Variants in CERT1 observed in about 807,000 individuals in gnomAD.
CERT1 encodes ceramide transporter 1.
Under a neutral mutation model 87.9 loss-of-function variants are expected in CERT1, and 31 were observed. The observed-to-expected ratio is 0.35, with a 90% CI of 0.27 to 0.48. The LOEUF is 0.48. Ranked by LOEUF, CERT1 falls within the 20% of genes least tolerant of loss-of-function variation. CERT1 has a pLI of 0.99. For missense variants in CERT1, 487 were observed against 758.0 expected (o/e 0.64, Z 4.20); for synonymous variants, 289 against 250.9 (o/e 1.15, Z -1.44).
At chr5:75,487,345 A>G (rs186621423) in intron 2 of CERT1, among the ~76,000 whole-genome samples, 8 of 152,224 alleles carry the variant, frequency 5.3e-5, no homozygotes, top group Non-Finnish European at 5.9e-5. Flanking sequence ...TGGATTAAAT[A>G]TTTAAATCTA....
At chr5:75,489,540 C>T (rs1032738625) in intron 2 of CERT1, among the ~76,000 whole-genome samples, 1 of 151,928 alleles carries the variant, frequency 6.6e-6, no homozygotes, top group African/African-American at 2.4e-5. Flanking sequence ...GGAACTTAAA[C>T]AGATTTATAA....
At chr5:75,465,070 C>T (rs1765403434) in intron 2 of CERT1, among the ~76,000 whole-genome samples, 1 of 152,188 alleles carries the variant, frequency 6.6e-6, no homozygotes. Flanking sequence ...CAGGTGCACA[C>T]ATGCATGGTT....
At chr5:75,423,558 T>A (rs569926081) in intron 5 of CERT1, among the ~76,000 whole-genome samples, 1 of 152,114 alleles carries the variant, frequency 6.6e-6, no homozygotes, top group Non-Finnish European at 1.5e-5. Context: ...CTGGGCCACA[T>A]AGCGAGACCT....
chr5:75,486,373 G>A (rs1009262297), intron 2 of CERT1, among the ~76,000 whole-genome samples: 3 of 151,936 alleles, frequency 2.0e-5, no homozygotes, highest in Non-Finnish European at 4.4e-5. Context: ...ATACACAACA[G>A]ACCCATGGCC....
intron 2 of CERT1, among the ~76,000 whole-genome samples, chr5:75,487,788 T>C (rs551552622): frequency 1.4e-4 from 21 of 152,094 alleles, no homozygotes; most frequent in African/African-American, 5.1e-4. Flanking sequence ...CTCATCCCAT[T>C]TATAATGGCC....
downstream of CERT1, chr5:75,372,898 CCT>C (rs1386807654): frequency 1.3e-5 from 2 of 152,160 alleles, no homozygotes; most frequent in African/African-American, 2.4e-5. Context: ...CTACAAAATG[CCT>C]CTGATTTGTA....
intron 2 of CERT1, among the ~76,000 whole-genome samples, chr5:75,502,137 A>G (rs1767401636): frequency 6.6e-6 from 1 of 151,394 alleles, no homozygotes; most frequent in Admixed American, 6.6e-5. Context: ...AAGAAAAACC[A>G]AAAAAAAAGT....
intron 6 of CERT1, among the ~76,000 whole-genome samples, chr5:75,417,725 A>AAACTT (rs1459652501): frequency 6.6e-6 from 1 of 152,244 alleles, no homozygotes; most frequent in Non-Finnish European, 1.5e-5. Flanking sequence ...AACTTAAATC[A>AAACTT]AAATGTAAAA....
chr5:75,475,260 T>C (rs190084301), intron 2 of CERT1, among the ~76,000 whole-genome samples: 2 of 152,286 alleles, frequency 1.3e-5, no homozygotes, highest in East Asian at 1.9e-4. Flanking sequence ...TTCTGGTAAA[T>C]GTGCTCCTTG....
chr5:75,374,017 T>C (rs1761183322), downstream of CERT1: 1 of 398,616 alleles, frequency 2.5e-6, no homozygotes, highest in East Asian at 3.6e-5. Flanking sequence ...TAGCAAGAGA[T>C]AGCTAGTGTT....
intron 3 of CERT1, among the ~76,000 whole-genome samples, chr5:75,449,703 TG>T (rs1192864060): frequency 1.3e-5 from 2 of 151,778 alleles, no homozygotes; most frequent in Non-Finnish European, 1.5e-5. Context: ...CACTTGGTGG[TG>T]GTGTTTTTTT....
intron 1 of CERT1, among the ~76,000 whole-genome samples, chr5:75,507,386 C>T (rs1020528717): frequency 5.9e-5 from 9 of 152,152 alleles, no homozygotes; most frequent in African/African-American, 2.2e-4. Context: ...GCTGGGACTA[C>T]AGGTGAGCCA....
intron 3 of CERT1, among the ~76,000 whole-genome samples, chr5:75,458,422 A>G (rs1440286550): frequency 6.6e-6 from 1 of 152,228 alleles, no homozygotes; most frequent in African/African-American, 2.4e-5. Context: ...TTATAATCCA[A>G]TGTTATTTCA....
At position 75,383,119 on chromosome 5, in the gene CERT1, T is replaced by C. The variant is rs1397053856; in HGVS notation, c.1489-1042A>G. Among the ~76,000 whole-genome samples the C allele has an allele frequency of 2.6e-5, 4 of 152,080 alleles. 1 individual carries two copies. In the South Asian group the frequency reaches 8.3e-4, roughly 32 times the overall value. On this transcript the variant is annotated intron_variant, in intron 14 of 16. Coordinates refer to ENST00000643780, the MANE Select transcript of CERT1 (RefSeq NM_001379029.1). ...TGGGAGGAGAGGGAATGGGGAGTTG[T>C]TGCTTAATGAGTACGGAGTTTCTGT...
chr5:75,509,193 C>G (rs560683289), intron 1 of CERT1, among the ~76,000 whole-genome samples: 1 of 151,986 alleles, frequency 6.6e-6, no homozygotes, highest in Non-Finnish European at 1.5e-5. Context: ...TGAATTGTAC[C>G]GGGACTTATT....
At chr5:75,427,156 C>T (rs1194146728) in intron 3 of CERT1, among the ~76,000 whole-genome samples, 1 of 152,148 alleles carries the variant, frequency 6.6e-6, no homozygotes, top group Non-Finnish European at 1.5e-5. Context: ...TGATACTCTT[C>T]AGAGCATAAA....
intron 17 of CERT1, chr5:75,372,357 T>G (rs1761115293): frequency 7.7e-6 from 1 of 129,220 alleles, no homozygotes; most frequent in Non-Finnish European, 1.6e-5. Flanking sequence ...ACCCCACAGC[T>G]GATTGTAAAA....
chr5:75,509,825 T>C (rs113040022), intron 1 of CERT1, among the ~76,000 whole-genome samples: 67 of 152,320 alleles, frequency 4.4e-4, no homozygotes, highest in African/African-American at 8.9e-4. Context: ...ATGTGTTCAA[T>C]AGAGATTCCT....
At chr5:75,511,784 G>A (rs1019571240), upstream of CERT1, 2 of 1,551,570 alleles carry the variant, frequency 1.3e-6, no homozygotes, top group African/African-American at 1.4e-5. Flanking sequence ...GTGACGACGG[G>A]TAGAAAAGCA....
Sources: allele counts gnomAD v4.1 joint callset (sites outside exome capture counted in the v4.1 genomes callset), GRCh38; gene constraint gnomAD v4.1.1; transcripts MANE v1.5; gene names NCBI Gene and HGNC (gene_info 2026-07-23, HGNC 2026-07-21).